COLEC11: variants seen among roughly 807,000 people sequenced by gnomAD.
The protein encoded by COLEC11 is collectin subfamily member 11.
Under a neutral mutation model 27.3 loss-of-function variants are expected in COLEC11, and 20 were observed. The observed-to-expected ratio is 0.73, with a 90% CI of 0.51 to 1.06. The LOEUF (loss-of-function observed/expected upper bound fraction) is 1.06. Ranked by LOEUF, COLEC11 falls within the 50% of genes least tolerant of loss-of-function variation. The pLI, the probability that COLEC11 is intolerant of heterozygous loss-of-function variation, is 0.00. For synonymous variants in COLEC11, 163 were observed against 154.7 expected (o/e 1.05, Z -0.40); for missense variants, 310 against 383.0 (o/e 0.81, Z 1.59).
At chr2:3,615,924 G>C (rs1663673647) in intron 3 of COLEC11, among the ~76,000 whole-genome samples, 1 of 98,718 alleles carries the variant, frequency 1.0e-5, no homozygotes, top group Admixed American at 1.3e-4. Flanking sequence ...CTCCCGGACG[G>C]GGGGGCTGCC....
Position 3,643,885 on chromosome 2 carries a change from C to G in COLEC11, c.583C>G (p.Gln195Glu), listed in dbSNP as rs757871477. ...ANGLMAAYLAQAGLARVFIGI... is the reference protein window; with the variant it reads ...ANGLMAAYLAEAGLARVFIGI... ...TGGCCTGATGGCCGCATACCTGGCG[C>G]AAGCCGGCCTGGCCCGTGTCTTCAT... The change falls in exon 7 of 7, where the codon CAA becomes GAA. Residue 195 changes from glutamine to glutamate, a missense_variant. By Grantham distance (29) the Gln-to-Glu change is conservative. Transcript: ENST00000349077. 1.9e-6 allele frequency: 3 copies of G among 1,613,874 alleles called. No homozygotes were observed. The South Asian group carries it at 3.3e-5, about 18-fold the overall frequency.
chr2:3,638,199 A>T (rs1220797951), intron 4 of COLEC11, among the ~76,000 whole-genome samples: 1 of 152,146 alleles, frequency 6.6e-6, no homozygotes, highest in South Asian at 2.1e-4. Flanking sequence ...GTGATGAGAG[A>T]CTGAGGCCAG....
At chr2:3,629,131 T>G (rs1311135897) in intron 3 of COLEC11, among the ~76,000 whole-genome samples, 1 of 152,212 alleles carries the variant, frequency 6.6e-6, no homozygotes, top group Non-Finnish European at 1.5e-5. Flanking sequence ...TTAGAGAACC[T>G]CTGGATCTGT....
intron 1 of COLEC11, among the ~76,000 whole-genome samples, chr2:3,601,573 C>T (rs1010218615): frequency 3.9e-5 from 6 of 152,312 alleles, no homozygotes; most frequent in African/African-American, 7.2e-5. Context: ...GGATTACAGG[C>T]GTGAGCCACT....
At chr2:3,615,304 G>T (rs180784566) in intron 3 of COLEC11, among the ~76,000 whole-genome samples, 3,608 of 152,244 alleles carry the variant, frequency 0.024, 148 homozygotes, top group African/African-American at 0.08. Flanking sequence ...CAGTGTTTGT[G>T]TCCCTGGGTA....
intron 5 of COLEC11, among the ~76,000 whole-genome samples, chr2:3,643,042 C>G (rs998161536): frequency 7.9e-5 from 12 of 152,354 alleles, no homozygotes; most frequent in Middle Eastern, 3.4e-3. Flanking sequence ...CCCTTCAGCT[C>G]CCCTCAGCCC....
chr2:3,616,317 G>A (rs1402507277), intron 3 of COLEC11, among the ~76,000 whole-genome samples: 2 of 151,174 alleles, frequency 1.3e-5, no homozygotes, highest in Non-Finnish European at 2.9e-5. Context: ...CGAGACTATG[G>A]GCGGCCAGGC....
intron 3 of COLEC11, among the ~76,000 whole-genome samples, chr2:3,631,187 C>T (rs1225974946): frequency 6.6e-6 from 1 of 151,422 alleles, no homozygotes; most frequent in Admixed American, 6.6e-5. Flanking sequence ...GCCAAGATTG[C>T]ACTACTGCAC....
intron 3 of COLEC11, among the ~76,000 whole-genome samples, chr2:3,620,359 T>C (rs974107148): frequency 1.3e-5 from 2 of 152,180 alleles, no homozygotes; most frequent in Non-Finnish European, 1.5e-5. Context: ...TTCGTATTAC[T>C]CTCTTATGAC....
At position 3,643,776 on chromosome 2, in the gene COLEC11, G is replaced by A. The variant is rs772874935; in HGVS notation, c.474G>A (p.Lys158=). 6.2e-7 allele frequency: 1 copy of A among 1,613,650 alleles called. No homozygotes were observed. Among genetic ancestry groups the A allele is most frequent in the African/African-American group, 1.3e-5 (1 of 75,080 alleles). The change falls in exon 7 of 7, where the codon AAG becomes AAA. Residue 158 remains lysine (K), a synonymous_variant. Coordinates refer to ENST00000349077, the MANE Select transcript of COLEC11 (RefSeq NM_024027.5). Reference sequence around the variant, plus strand: ...AGAGCAAGATCTACCTGCTGGTGAAGGAGGAGAAGCGCTACGCGGACGCCC... The same window carrying A: ...AGAGCAAGATCTACCTGCTGGTGAAAGAGGAGAAGCGCTACGCGGACGCCC... ...ETESKIYLLV[K]EEKRYADAQL... is the part of the protein sequence containing the mutation.
chr2:3,604,211 C>T (rs1307870345), intron 1 of COLEC11, 104 bp from the exon 2 acceptor site: 22 of 1,281,158 alleles, frequency 1.7e-5, no homozygotes, highest in Non-Finnish European at 2.4e-5. Context: ...ACAGCCCTTC[C>T]AGGCACCAGG....
At chr2:3,638,434 C>T (rs527544988) in intron 4 of COLEC11, among the ~76,000 whole-genome samples, 8 of 152,316 alleles carry the variant, frequency 5.3e-5, no homozygotes, top group Admixed American at 3.3e-4. Flanking sequence ...GGCTAAGCTG[C>T]CCTGAGCACT....
intron 1 of COLEC11, among the ~76,000 whole-genome samples, chr2:3,596,263 T>C (rs1661828944): frequency 6.6e-6 from 1 of 152,156 alleles, no homozygotes; most frequent in South Asian, 2.1e-4. Context: ...TGGGCCTTGC[T>C]GTAGATACTT....
intron 5 of COLEC11, among the ~76,000 whole-genome samples, chr2:3,642,052 C>T (rs1489326820): frequency 6.6e-6 from 1 of 152,234 alleles, no homozygotes; most frequent in African/African-American, 2.4e-5. Context: ...TAGGAACAAA[C>T]TCGCAGCCGG....
At position 3,633,633 on chromosome 2, in the gene COLEC11, G is replaced by A. The variant is rs142517904; in HGVS notation, c.203-3900G>A. 2.2e-4 allele frequency among the ~76,000 whole-genome samples: 34 copies of A among 152,302 alleles called. No individual in the cohort carries two copies. In the East Asian group the frequency reaches 2.9e-3, roughly 13 times the overall value. ...GACAGAGCGGGGACCACAGCTGACC[G>A]ACGGGGGAGCGGCGTGAAGACGTGG... On this transcript the variant is annotated intron_variant, in intron 3 of 6. Coordinates refer to ENST00000349077, the MANE Select transcript of COLEC11 (RefSeq NM_024027.5).
chr2:3,617,489 G>A (rs1010018898), intron 3 of COLEC11: 2 of 1,407,156 alleles, frequency 1.4e-6, no homozygotes, highest in African/African-American at 1.4e-5. Flanking sequence ...GCTAAAAGAA[G>A]TAAAATAAGA....
intron 1 of COLEC11, among the ~76,000 whole-genome samples, chr2:3,599,932 A>G (rs1337268804): frequency 1.3e-5 from 2 of 152,210 alleles, no homozygotes; most frequent in African/African-American, 4.8e-5. Context: ...CTGTGCTGTG[A>G]TATCTTATAA....
chr2:3,627,660 G>A (rs1329372277), intron 3 of COLEC11, among the ~76,000 whole-genome samples: 1 of 149,994 alleles, frequency 6.7e-6, no homozygotes, highest in African/African-American at 2.5e-5. Context: ...ATGACTCTGG[G>A]CACGATGACG....
At position 3,636,052 on chromosome 2, in the gene COLEC11, A is replaced by G. The variant is rs552125035; in HGVS notation, c.203-1481A>G. ...CTATTCTGAATTGGGGGAACGTTAC[A>G]TCTGCTTCGCAAAACAAGACTAGGA... On this transcript the variant is annotated intron_variant, in intron 3 of 6. Coordinates refer to ENST00000349077, the MANE Select transcript of COLEC11 (RefSeq NM_024027.5). Among the ~76,000 whole-genome samples the G allele has an allele frequency of 1.7e-4, 26 of 152,340 alleles. 1 individual carries two copies. The highest frequency in any genetic ancestry group is 3.5e-4 in the Non-Finnish European group (24 of 68,028).
Sources: gnomAD v4.1 joint callset for allele counts (sites outside exome capture counted in the v4.1 genomes callset) on GRCh38, gnomAD v4.1.1 for gene constraint, MANE v1.5 for transcripts, NCBI Gene and HGNC (gene_info 2026-07-23, HGNC 2026-07-21) for gene names.